The following GRID2 variants were observed in gnomAD, a reference collection of about 807,000 sequenced individuals.
GRID2 encodes glutamate receptor ionotropic, delta-2.
GRID2 carries 33 observed loss-of-function variants against 114.8 expected under a neutral mutation model. The ratio of observed to expected loss-of-function variants is 0.29; its 90% CI spans 0.22 to 0.38. The LOEUF is 0.38. Ranked by LOEUF, GRID2 falls within the 10% of genes least tolerant of loss-of-function variation. The pLI is 1.00. For synonymous variants in GRID2, 505 were observed against 449.9 expected (o/e 1.12, Z -1.55); for missense variants, 1,184 against 1,257.7 (o/e 0.94, Z 0.89).
chr4:93,102,302 T>C (rs1019821332), intron 3 of GRID2, among the ~76,000 whole-genome samples: 1 of 152,202 alleles, frequency 6.6e-6, no homozygotes, highest in Non-Finnish European at 1.5e-5. Context: ...CAGTCTTCAC[T>C]GTAATTTGTT....
At chr4:92,601,500 A>G (rs1350771034) in intron 2 of GRID2, among the ~76,000 whole-genome samples, 3 of 152,192 alleles carry the variant, frequency 2.0e-5, no homozygotes, top group Non-Finnish European at 4.4e-5. Flanking sequence ...CAAAGAGAAA[A>G]CATACCAGAT....
rs998325858 is a variant in GRID2 at position 92,961,138 on chromosome 4, G to A, written c.245-123857G>A. 5.9e-5 allele frequency among the ~76,000 whole-genome samples: 9 copies of A among 151,764 alleles called. No individual in the cohort carries two copies. The South Asian group carries it at 6.2e-4, about 11-fold the overall frequency. The stretch of plus-strand genomic sequence containing the variant: ...TTGCTGTTATTCATTTCACATATAC[G>A]TAAGCATACACATATATATGCATTT... On this transcript the variant is annotated intron_variant, in intron 2 of 15. Coordinates refer to ENST00000282020, the MANE Select transcript of GRID2 (RefSeq NM_001510.4).
intron 1 of GRID2, among the ~76,000 whole-genome samples, chr4:92,439,394 G>C (rs1241210655): frequency 1.3e-5 from 2 of 152,254 alleles, no homozygotes; most frequent in East Asian, 3.9e-4. Context: ...CTTGGGCTCA[G>C]AGGCCTGACA....
intron 2 of GRID2, among the ~76,000 whole-genome samples, chr4:92,810,323 T>G (rs994265379): frequency 6.6e-6 from 1 of 151,930 alleles, no homozygotes; most frequent in Admixed American, 6.6e-5. Context: ...CAGTTAGATA[T>G]TTTCATTTTT....
At chr4:92,694,616 A>G (rs1734341244) in intron 2 of GRID2, among the ~76,000 whole-genome samples, 1 of 152,094 alleles carries the variant, frequency 6.6e-6, no homozygotes. Flanking sequence ...ATTATTTTCA[A>G]TTTTGCTCTG....
chr4:93,559,628 G>T (rs1734687893), intron 13 of GRID2, among the ~76,000 whole-genome samples: 1 of 152,180 alleles, frequency 6.6e-6, no homozygotes. Context: ...TACACTGTTG[G>T]TGGGAGTGTA....
chr4:93,647,555 C>T (rs1463285988), intron 14 of GRID2, among the ~76,000 whole-genome samples: 1 of 152,156 alleles, frequency 6.6e-6, no homozygotes, highest in Non-Finnish European at 1.5e-5. Context: ...TCTCCCCTCT[C>T]AACCAGAAAC....
In GRID2 at chr4:92,787,837, G is replaced by T. The variant is rs146499845; in HGVS notation, c.244+197551G>T. Reference sequence around the variant, plus strand: ...CCTCCTACGGTGATAGAAGACCGATGACATGTGGTTGGATTCTGACTATCT... The same window carrying T: ...CCTCCTACGGTGATAGAAGACCGATTACATGTGGTTGGATTCTGACTATCT... On this transcript the variant is annotated intron_variant, in intron 2 of 15. Transcript: ENST00000282020. Among the ~76,000 whole-genome samples, 237 of 151,952 alleles carry T rather than the reference G, an allele frequency of 1.6e-3. 1 individual carries two copies. The highest frequency in any genetic ancestry group is 0.01 in the Middle Eastern group (3 of 294).
chr4:92,443,844 T>G (rs1331339203), intron 1 of GRID2, among the ~76,000 whole-genome samples: 1 of 152,198 alleles, frequency 6.6e-6, no homozygotes, highest in East Asian at 1.9e-4. Flanking sequence ...GAGGCGTCCC[T>G]GCAATGATTA....
chr4:92,389,707 A>G (rs186376064), intron 1 of GRID2, among the ~76,000 whole-genome samples: 3 of 152,186 alleles, frequency 2.0e-5, no homozygotes, highest in Non-Finnish European at 4.4e-5. Context: ...CAGATGGAAA[A>G]ATATTCACTG....
At chr4:92,365,720 T>C (rs974758037) in intron 1 of GRID2, among the ~76,000 whole-genome samples, 2 of 152,050 alleles carry the variant, frequency 1.3e-5, no homozygotes, top group Admixed American at 1.3e-4. Context: ...ATTGTATACA[T>C]ACATCAAAAG....
chr4:93,436,995 A>G (rs1425557104), intron 10 of GRID2, among the ~76,000 whole-genome samples: 3 of 152,110 alleles, frequency 2.0e-5, no homozygotes, highest in African/African-American at 7.2e-5. Flanking sequence ...GCTTGGAATT[A>G]TTTTATATGT....
intron 11 of GRID2, among the ~76,000 whole-genome samples, chr4:93,483,131 T>G (rs1193489301): frequency 2.0e-5 from 3 of 152,016 alleles, no homozygotes; most frequent in African/African-American, 7.2e-5. Flanking sequence ...GGCAATGACT[T>G]CCACACAAAT....
At chr4:92,841,778 T>C (rs1742913686) in intron 2 of GRID2, among the ~76,000 whole-genome samples, 1 of 152,060 alleles carries the variant, frequency 6.6e-6, no homozygotes, top group South Asian at 2.1e-4. Context: ...ACACATATAT[T>C]TATATTTATA....
intron 14 of GRID2, among the ~76,000 whole-genome samples, chr4:93,704,331 T>G (rs1229037302): frequency 6.6e-6 from 1 of 152,178 alleles, no homozygotes; most frequent in African/African-American, 2.4e-5. Flanking sequence ...TCACCCACTT[T>G]TTGATGGGGT....
intron 14 of GRID2, among the ~76,000 whole-genome samples, chr4:93,755,583 A>G (rs1424128136): frequency 6.6e-6 from 1 of 152,198 alleles, no homozygotes; most frequent in Non-Finnish European, 1.5e-5. Flanking sequence ...TTACATGTGT[A>G]CTTAAGGAAT....
intron 2 of GRID2, among the ~76,000 whole-genome samples, chr4:92,776,829 T>A (rs1738824898): frequency 6.6e-6 from 1 of 151,974 alleles, no homozygotes. Context: ...CTAGAGTATA[T>A]TAATGAAGGT....
At chr4:93,498,322 T>C (rs917922083) in intron 12 of GRID2, among the ~76,000 whole-genome samples, 2 of 151,758 alleles carry the variant, frequency 1.3e-5, no homozygotes, top group Admixed American at 6.6e-5. Context: ...GCCAAACTCA[T>C]TCCATCAAGC....
At chr4:92,846,416 G>A (rs1028559328) in intron 2 of GRID2, among the ~76,000 whole-genome samples, 1 of 152,104 alleles carries the variant, frequency 6.6e-6, no homozygotes, top group African/African-American at 2.4e-5. Context: ...GTGAGAACAT[G>A]AAGTATTTGG....
Sources: gnomAD v4.1 joint callset for allele counts (sites outside exome capture counted in the v4.1 genomes callset) on GRCh38, gnomAD v4.1.1 for gene constraint, MANE v1.5 for transcripts, NCBI Gene and HGNC (gene_info 2026-07-23, HGNC 2026-07-21) for gene names.